TMEM192: variants seen among roughly 807,000 people sequenced by gnomAD.
TMEM192 encodes transmembrane protein 192.
TMEM192 carries 20 observed loss-of-function variants against 26.7 expected under a neutral mutation model. That is an observed-to-expected ratio of 0.75 (90% CI 0.53 to 1.09). The LOEUF is 1.09. TMEM192 is among the 50% of genes least tolerant of loss of function. TMEM192 has a pLI of 0.00. For missense variants in TMEM192, 304 were observed against 322.6 expected (o/e 0.94, Z 0.44); for synonymous variants, 124 against 121.0 (o/e 1.02, Z -0.16).
chr4:165,079,682 C>G lies in TMEM192; in HGVS notation c.792G>C (p.Leu264=), dbSNP rs1332606663. The G allele has an allele frequency of 1.2e-6, 2 of 1,613,052 alleles. No homozygotes were observed. The highest frequency in any genetic ancestry group is 1.1e-5 in the South Asian group (1 of 90,954). Residue 264 remains leucine, a synonymous_variant, in exon 6 of 6, where the codon CTG becomes CTC. Transcript: ENST00000306480. ...CTCACGTTCTACTTGGCTGACAGCCCAGGTCTGAGGAAGTGAGAGCCAACA... is the reference window on the plus strand; with the variant it reads ...CTCACGTTCTACTTGGCTGACAGCCGAGGTCTGAGGAAGTGAGAGCCAACA... ...KRLLALTSSD[L]GCQPSRT is the part of the protein sequence containing the mutation.
At chr4:165,107,765 T>C (rs1735200125) in intron 1 of TMEM192, among the ~76,000 whole-genome samples, 1 of 152,188 alleles carries the variant, frequency 6.6e-6, no homozygotes. Context: ...TGTCAAATGC[T>C]TGTCCCAGCA....
At chr4:165,087,510 G>A (rs1214527779) in intron 4 of TMEM192, among the ~76,000 whole-genome samples, 1 of 152,208 alleles carries the variant, frequency 6.6e-6, no homozygotes, top group Non-Finnish European at 1.5e-5. Flanking sequence ...GTGGATGCAG[G>A]CTGGTATTGT....
intron 3 of TMEM192, among the ~76,000 whole-genome samples, chr4:165,100,162 C>CA (rs569973035): frequency 1.5e-5 from 2 of 134,734 alleles, no homozygotes; most frequent in East Asian, 4.3e-4. Flanking sequence ...AATAAAAGTT[C>CA]TTTTTTTTTT....
Position 165,072,195 on chromosome 4 carries a change from C to G in TMEM192, c.*7463G>C, listed in dbSNP as rs1487514044. 1 of 151,852 alleles carries G rather than the reference C, an allele frequency of 6.6e-6. No homozygotes were observed. The allele number at this position is 151,852 out of a possible 1,614,324, so 9.4% of individuals were successfully genotyped here. On this transcript the variant is annotated 3_prime_UTR_variant, in exon 6 of 6. Transcript: ENST00000306480. ...CCGAGACTGCGCCACTGCACTCCAG[C>G]CTGTGCGACACGAGTGAGACTCCAT...
intron 3 of TMEM192, among the ~76,000 whole-genome samples, chr4:165,091,983 C>T (rs538825539): frequency 3.5e-4 from 54 of 152,228 alleles, no homozygotes; most frequent in African/African-American, 1.2e-3. Context: ...TAAGAGTATG[C>T]CCATGATCCA....
rs398051329 is a variant in TMEM192 at position 165,085,273 on chromosome 4, CAAAAAAAA to C, written c.677+305_677+312del. Among the ~76,000 whole-genome samples, 702 of 83,706 alleles carry C rather than the reference CAAAAAAAA, an allele frequency of 8.4e-3. 6 individuals are homozygous for C. Among genetic ancestry groups the C allele is most frequent in the African/African-American group, 0.029 (654 of 22,652 alleles). 54.9% of individuals were successfully genotyped at this position (83,706 alleles called of 152,430 possible). A position where few individuals can be genotyped will look rare whatever the true frequency, so the allele number is the denominator to read the frequency against. On this transcript the variant is annotated intron_variant, in intron 5 of 5. Transcript: ENST00000306480. ...GGGCAACAAGAGCAAAACTCCATCT[CAAAAAAAA>C]AAAAAAAAAAAAGACACCTATAAAA...
intron 3 of TMEM192, among the ~76,000 whole-genome samples, chr4:165,096,089 A>C (rs1734892912): frequency 6.6e-6 from 1 of 151,198 alleles, no homozygotes; most frequent in Non-Finnish European, 1.5e-5. Context: ...GAGCCACTGC[A>C]CCTGGCCCAA....
Position 165,073,414 on chromosome 4 carries a change from A to G in TMEM192, c.*6244T>C, listed in dbSNP as rs1734310270. ...CCATTCTCGATTAACCAGGGACACAATGCACTGCGGAAAGCCGCAGGGACC... is the reference window on the plus strand; with the variant it reads ...CCATTCTCGATTAACCAGGGACACAGTGCACTGCGGAAAGCCGCAGGGACC... On this transcript the variant is annotated 3_prime_UTR_variant, in exon 6 of 6. Coordinates refer to ENST00000306480, the MANE Select transcript of TMEM192 (RefSeq NM_001100389.2). The G allele has an allele frequency of 6.6e-6, 1 of 152,226 alleles. No individual in the cohort carries two copies. The highest frequency in any genetic ancestry group is 2.4e-5 in the African/African-American group (1 of 41,462). The allele number at this position is 152,226 out of a possible 1,614,324, so 9.4% of individuals were successfully genotyped here.
chr4:165,094,677 A>G (rs1369583622), intron 3 of TMEM192, among the ~76,000 whole-genome samples: 4 of 151,854 alleles, frequency 2.6e-5, no homozygotes, highest in Non-Finnish European at 5.9e-5. Context: ...AAGAAAAGGA[A>G]AAAAAGAACA....
At chr4:165,095,777 TA>T (rs1734879924) in intron 3 of TMEM192, among the ~76,000 whole-genome samples, 1 of 151,984 alleles carries the variant, frequency 6.6e-6, no homozygotes, top group South Asian at 2.1e-4. Flanking sequence ...ACTTGATTTT[TA>T]AAAATTTTTT....
At chr4:165,085,213 C>T (rs545543367) in intron 5 of TMEM192, among the ~76,000 whole-genome samples, 6 of 142,296 alleles carry the variant, frequency 4.2e-5, no homozygotes, top group Admixed American at 7.7e-5. Flanking sequence ...GTGGAGACTA[C>T]GGTGAGCCAA....
At chr4:165,081,440 G>A (rs1251131527) in intron 5 of TMEM192, among the ~76,000 whole-genome samples, 1 of 142,678 alleles carries the variant, frequency 7.0e-6, no homozygotes, top group Admixed American at 7.3e-5. Flanking sequence ...CTGGAGCACA[G>A]TGGTGCGATC....
chr4:165,110,615 G>T (rs1184694556), intron 1 of TMEM192, among the ~76,000 whole-genome samples: 4 of 152,230 alleles, frequency 2.6e-5, no homozygotes, highest in Non-Finnish European at 5.9e-5. Flanking sequence ...TGAGGCAGAA[G>T]AATCACTTGA....
chr4:165,085,548 G>GA (rs779676925), intron 5 of TMEM192, 38 bp downstream of exon 5: 8 of 1,414,396 alleles, frequency 5.7e-6, no homozygotes, highest in Non-Finnish European at 6.9e-6. Flanking sequence ...CTTTCTAGGG[G>GA]AAAAAACTCA....
rs1003523302 is a variant in TMEM192 at position 165,112,759 on chromosome 4, G to A, written c.15C>T (p.Gly5=). 6.2e-7 allele frequency: 1 copy of A among 1,607,732 alleles called. No homozygotes were observed. The highest frequency in any genetic ancestry group is 1.3e-5 in the African/African-American group (1 of 74,702). ...TCCGTGCACTCACGTCCTCCATCCT[G>A]CCCCCCGCCGCCATTTCCCGACGCC... The part of the protein sequence containing the change: MAAG[G]RMEDGSLDIT... The change falls in exon 1 of 6, where the codon GGC becomes GGT. Residue 5 remains glycine (G), a synonymous_variant. Transcript: ENST00000306480.
rs1171568926 is a variant in TMEM192 at position 165,074,266 on chromosome 4, TAG to T, written c.*5390_*5391del. On this transcript the variant is annotated 3_prime_UTR_variant, in exon 6 of 6. Coordinates refer to ENST00000306480, the MANE Select transcript of TMEM192 (RefSeq NM_001100389.2). ...TAGTAGAGTGAAAGGTGAGACTGGA[TAG>T]AGAGGAAGGGAGAAGAATTAGAGAT... The T allele has an allele frequency of 6.6e-6, 1 of 152,032 alleles. No homozygotes were observed. The highest frequency in any genetic ancestry group is 1.5e-5 in the Non-Finnish European group (1 of 68,000). The allele number at this position is 152,032 out of a possible 1,614,324, so 9.4% of individuals were successfully genotyped here. A position where few individuals can be genotyped will look rare whatever the true frequency, so the allele number is the denominator to read the frequency against.
At position 165,087,428 on chromosome 4, in the gene TMEM192, C is replaced by T. The variant is rs548526311; in HGVS notation, c.574+1040G>A. Among the ~76,000 whole-genome samples the T allele has an allele frequency of 2.6e-5, 4 of 152,224 alleles. No homozygotes were observed. In the East Asian group the frequency reaches 7.7e-4, roughly 29 times the overall value. On this transcript the variant is annotated intron_variant, in intron 4 of 5. Transcript: ENST00000306480. ...ATGACTGACTGATCACCAATCCTAT[C>T]CAGTTCTTGGGGAGTGAGGTAGAAG...
At chr4:165,081,361 C>CTT (rs1285304064) in intron 5 of TMEM192, among the ~76,000 whole-genome samples, 1 of 142,454 alleles carries the variant, frequency 7.0e-6, no homozygotes, top group Non-Finnish European at 1.5e-5. Flanking sequence ...TATATACTGA[C>CTT]TTTTTTTTTT....
intron 1 of TMEM192, among the ~76,000 whole-genome samples, chr4:165,112,431 C>T (rs1308727447): frequency 6.6e-6 from 1 of 152,204 alleles, no homozygotes; most frequent in Non-Finnish European, 1.5e-5. Context: ...CTGCCAGTTC[C>T]GGGATCAAAG....
Sources: gnomAD v4.1 joint callset for allele counts (sites outside exome capture counted in the v4.1 genomes callset) on GRCh38, gnomAD v4.1.1 for gene constraint, MANE v1.5 for transcripts, NCBI Gene and HGNC (gene_info 2026-07-23, HGNC 2026-07-21) for gene names.